The following ASRGL1 variants were observed in gnomAD, a reference collection of about 807,000 sequenced individuals.
ASRGL1 encodes the protein asparaginase and isoaspartyl peptidase 1, also known as isoaspartyl peptidase/L-asparaginase.
A neutral mutation model predicts 22.4 loss-of-function variants in ASRGL1; 16 were observed. That is an observed-to-expected ratio of 0.71 (90% confidence interval 0.48 to 1.08). The LOEUF (loss-of-function observed/expected upper bound fraction) is 1.08. ASRGL1 is among the 50% of genes least tolerant of loss of function. The pLI is 0.00. For synonymous variants in ASRGL1, 165 were observed against 159.3 expected (o/e 1.04, Z -0.27); for missense variants, 412 against 410.1 (o/e 1.00, Z -0.04).
intron 4 of ASRGL1, among the ~76,000 whole-genome samples, chr11:62,373,960 C>A (rs2134663899): frequency 6.6e-6 from 1 of 152,330 alleles, no homozygotes; most frequent in South Asian, 2.1e-4. Flanking sequence ...CCCTGCGGAG[C>A]CAGGGCTGAG....
At chr11:62,371,737 G>A (rs1475415467) in intron 4 of ASRGL1, 5 of 553,216 alleles carry the variant, frequency 9.0e-6, no homozygotes, top group Non-Finnish European at 1.4e-5. Context: ...CAGATCACAA[G>A]GTCAGGAGAT....
chr11:62,382,698 CGGTCA>C (rs1947102709), intron 4 of ASRGL1: 1 of 151,984 alleles, frequency 6.6e-6, no homozygotes, highest in Admixed American at 6.6e-5. Flanking sequence ...GGCTGGGGGA[CGGTCA>C]GGTCTTTCCC....
intron 4 of ASRGL1, among the ~76,000 whole-genome samples, chr11:62,385,530 G>T (rs1407322964): frequency 6.6e-6 from 1 of 152,132 alleles, no homozygotes; most frequent in African/African-American, 2.4e-5. Flanking sequence ...TCCCAAATCT[G>T]CTGTTTTTAT....
downstream of ASRGL1, among the ~76,000 whole-genome samples, chr11:62,397,262 T>G (rs1208346113): frequency 6.6e-6 from 1 of 152,058 alleles, no homozygotes; most frequent in African/African-American, 2.4e-5. Context: ...TTTCTTGACC[T>G]CGTGATCCTC....
In ASRGL1 at chr11:62,392,536, T is replaced by G; in HGVS notation, c.*252T>G. 2.0e-6 allele frequency: 1 copy of G among 509,862 alleles called. No individual in the cohort carries two copies. 31.6% of individuals were successfully genotyped at this position (509,862 alleles called of 1,614,324 possible). A position where few individuals can be genotyped will look rare whatever the true frequency, so the allele number is the denominator to read the frequency against. ...GTGAGCCATGATTACTCCACTGCAC[T>G]CCAGCCTGGGCAACAGAGCCAGGCC... On this transcript the variant is annotated 3_prime_UTR_variant, in exon 7 of 7. Transcript: ENST00000415229.
Position 62,338,015 on chromosome 11 carries a change from G to T in ASRGL1, c.38G>T (p.Gly13Val). ...PIVVVHGGGA[G>V]PISKDRKERV... ...GTAGTGGTCCACGGCGGCGGAGCCG[G>T]TCCCATCTCCAAGGATCGGAAGGAG... is the stretch of plus-strand genomic sequence containing the variant. Residue 13 changes from glycine (G) to valine (V), a missense_variant, in exon 2 of 7, where the codon GGT (glycine) becomes GTT (valine). Physicochemically the swap from Gly to Val is moderately radical, Grantham distance 109. Coordinates refer to ENST00000415229, the MANE Select transcript of ASRGL1 (RefSeq NM_001083926.2). The T allele has an allele frequency of 6.2e-7, 1 of 1,607,034 alleles. No individual in the cohort carries two copies. Among genetic ancestry groups the T allele is most frequent in the Non-Finnish European group, 8.5e-7 (1 of 1,177,226 alleles).
intron 4 of ASRGL1, among the ~76,000 whole-genome samples, chr11:62,362,889 TA>T (rs1946513753): frequency 1.3e-4 from 12 of 95,788 alleles, no homozygotes; most frequent in South Asian, 3.3e-4. Context: ...TTAAAGGATT[TA>T]ATTTTTTTTT....
chr11:62,371,840 G>C (rs1056528930), intron 4 of ASRGL1: 3 of 521,500 alleles, frequency 5.8e-6, no homozygotes, highest in Non-Finnish European at 1.0e-5. Context: ...TGTAGTCCCA[G>C]CTAATCAGGA....
At chr11:62,351,704 T>C (rs1946171225) in intron 2 of ASRGL1, among the ~76,000 whole-genome samples, 1 of 152,200 alleles carries the variant, frequency 6.6e-6, no homozygotes, top group African/African-American at 2.4e-5. Context: ...GTATTAATTT[T>C]ACTCTGACAC....
rs1205620396 is a variant in ASRGL1 at position 62,389,631 on chromosome 11, C to G, written c.610+380C>G. On this transcript the variant is annotated intron_variant, in intron 5 of 6. Coordinates refer to ENST00000415229, the MANE Select transcript of ASRGL1 (RefSeq NM_001083926.2). Reference sequence around the variant, plus strand: ...CTCCCGAGACATGGGCTCTGATTAGCAATCTGAGAAATCTGAGACTGCAGT... The same window carrying G: ...CTCCCGAGACATGGGCTCTGATTAGGAATCTGAGAAATCTGAGACTGCAGT... 1.2e-5 allele frequency: 4 copies of G among 347,136 alleles called. No homozygotes were observed. In the Admixed American group the frequency reaches 1.6e-4, roughly 14 times the overall value. The allele number at this position is 347,136 out of a possible 1,614,324, so 21.5% of individuals were successfully genotyped here.
downstream of ASRGL1, among the ~76,000 whole-genome samples, chr11:62,396,121 T>TA (rs1012696972): frequency 3.2e-4 from 49 of 151,450 alleles, 1 homozygote; most frequent in African/African-American, 1.1e-3. Flanking sequence ...CTTGTCTGGC[T>TA]AAAAAAAATG....
chr11:62,356,946 T>G (rs1461337958), intron 3 of ASRGL1, 41 bp from the exon 4 acceptor site: 1 of 1,560,030 alleles, frequency 6.4e-7, no homozygotes, highest in African/African-American at 1.4e-5. Context: ...GATTTAAAAT[T>G]TTCAAAAAAA....
chr11:62,354,063 T>C (rs1946223479), intron 2 of ASRGL1, among the ~76,000 whole-genome samples: 1 of 152,252 alleles, frequency 6.6e-6, no homozygotes, highest in African/African-American at 2.4e-5. Context: ...ACTGTTTGCC[T>C]ACACATGCTA....
chr11:62,395,759 CTTTT>C (rs564952668), downstream of ASRGL1, among the ~76,000 whole-genome samples: 3 of 71,940 alleles, frequency 4.2e-5, no homozygotes, highest in African/African-American at 1.5e-4. Flanking sequence ...GTAGCTGTTT[CTTTT>C]TTTTTTTTTT....
intron 4 of ASRGL1, among the ~76,000 whole-genome samples, chr11:62,358,371 GA>G (rs34743439): frequency 0.013 from 1,494 of 111,796 alleles, 14 homozygotes; most frequent in African/African-American, 0.031. Context: ...CTCCGTCTCA[GA>G]AAAAAAAAAA....
At chr11:62,369,309 C>T (rs1002361577) in intron 4 of ASRGL1, among the ~76,000 whole-genome samples, 1 of 152,152 alleles carries the variant, frequency 6.6e-6, no homozygotes, top group African/African-American at 2.4e-5. Flanking sequence ...CATGTCTCTG[C>T]GACACAGGGT....
At chr11:62,371,160 G>T in intron 4 of ASRGL1, 1 of 1,168,310 alleles carries the variant, frequency 8.6e-7, no homozygotes, top group South Asian at 1.8e-5. Context: ...CGGCGGTGGC[G>T]GCCTGGGAGG....
chr11:62,372,009 G>A (rs1946784713), intron 4 of ASRGL1: 5 of 696,998 alleles, frequency 7.2e-6, no homozygotes, highest in African/African-American at 5.5e-5. Flanking sequence ...GGCAATATCC[G>A]TCAGAATTTG....
At chr11:62,342,026 T>C (rs1485527256) in intron 2 of ASRGL1, among the ~76,000 whole-genome samples, 1 of 152,248 alleles carries the variant, frequency 6.6e-6, no homozygotes, top group African/African-American at 2.4e-5. Context: ...GTCAGCAGTT[T>C]TGTCCCAAGA....
Sources: allele counts gnomAD v4.1 joint callset (sites outside exome capture counted in the v4.1 genomes callset), GRCh38; gene constraint gnomAD v4.1.1; transcripts MANE v1.5; gene names NCBI Gene and HGNC (gene_info 2026-07-23, HGNC 2026-07-21).